PCDH17: variants seen among roughly 807,000 people sequenced by gnomAD.
PCDH17 encodes the protein protocadherin-17.
Under a neutral mutation model 67.7 loss-of-function variants are expected in PCDH17, and 21 were observed. That is an observed-to-expected ratio of 0.31 (90% CI 0.22 to 0.45). The LOEUF is 0.45. PCDH17 is among the 20% of genes least tolerant of loss of function. The probability of loss-of-function intolerance (pLI) is 1.00; values close to 1 mark genes in which losing one functional copy is unlikely to be tolerated. For missense variants in PCDH17, 1,471 were observed against 1,564.8 expected (o/e 0.94, Z 1.01); for synonymous variants, 701 against 656.7 (o/e 1.07, Z -1.03).
chr13:57,718,230 TA>T (rs1363202172), intron 3 of PCDH17, among the ~76,000 whole-genome samples: 2 of 151,904 alleles, frequency 1.3e-5, no homozygotes, highest in African/African-American at 2.4e-5. Context: ...GCATAAAGGA[TA>T]AAATAAGCTT....
intron 1 of PCDH17, among the ~76,000 whole-genome samples, chr13:57,647,953 A>G (rs918653627): frequency 3.3e-5 from 5 of 151,944 alleles, no homozygotes; most frequent in Admixed American, 6.6e-5. Context: ...TCATCATATA[A>G]AGAAAGAAAC....
intron 1 of PCDH17, among the ~76,000 whole-genome samples, chr13:57,637,188 C>A (rs1038922552): frequency 2.0e-5 from 3 of 152,018 alleles, no homozygotes; most frequent in African/African-American, 4.8e-5. Flanking sequence ...TTAATTCATG[C>A]CATAAAGACA....
At chr13:57,680,050 A>G (rs928042415) in intron 3 of PCDH17, among the ~76,000 whole-genome samples, 1 of 151,342 alleles carries the variant, frequency 6.6e-6, no homozygotes, top group African/African-American at 2.4e-5. Flanking sequence ...CATGTATATG[A>G]CATTGTTTGC....
intron 3 of PCDH17, among the ~76,000 whole-genome samples, chr13:57,686,713 T>C (rs1955511058): frequency 1.3e-5 from 2 of 151,994 alleles, no homozygotes; most frequent in African/African-American, 4.8e-5. Context: ...GAAAATAATA[T>C]AAAGTTTAGA....
intron 3 of PCDH17, among the ~76,000 whole-genome samples, chr13:57,694,190 T>C (rs2138066034): frequency 6.6e-6 from 1 of 151,342 alleles, no homozygotes; most frequent in African/African-American, 2.4e-5. Flanking sequence ...GTGTATGGGT[T>C]TATGCTATGT....
chr13:57,640,963 A>G (rs1045270744), intron 1 of PCDH17, among the ~76,000 whole-genome samples: 1 of 151,996 alleles, frequency 6.6e-6, no homozygotes, highest in African/African-American at 2.4e-5. Flanking sequence ...AATAAATCCC[A>G]TAGGGCATTA....
rs777584964 is a variant in PCDH17, at chr13:57,725,274, C to A, written c.3460C>A (p.Pro1154Thr). ...TTTGCAAGACTGCCGGGGAAACGACCCTGTGGCTGTGAGAAAGTGAAAAAA... is the reference window on the plus strand; with the variant it reads ...TTTGCAAGACTGCCGGGGAAACGACACTGTGGCTGTGAGAAAGTGAAAAAA... ...KLLQDCRGNDPVAVRK is the reference protein window; with the variant it reads ...KLLQDCRGNDTVAVRK Residue 1154 changes from proline (P) to threonine (T), a missense_variant, in exon 4 of 4, where the codon CCT (proline) becomes ACT (threonine). By Grantham distance (38) the Pro-to-Thr change is conservative. Around this residue, in one of 3 missense-constraint regions of PCDH17, gnomAD observed 297 missense variants for 298.6 expected, o/e 0.99. Transcript: ENST00000377918. The A allele has an allele frequency of 6.3e-7, 1 of 1,597,072 alleles. No individual in the cohort carries two copies. Among genetic ancestry groups the A allele is most frequent in the South Asian group, 1.1e-5 (1 of 88,270 alleles).
chr13:57,674,892 T>G (rs1035032919), intron 3 of PCDH17, among the ~76,000 whole-genome samples: 10 of 151,946 alleles, frequency 6.6e-5, no homozygotes, highest in African/African-American at 2.4e-4. Flanking sequence ...GAAGAAACCT[T>G]GAAATATAAC....
chr13:57,678,773 C>T (rs1160708179), intron 3 of PCDH17, among the ~76,000 whole-genome samples: 1 of 151,484 alleles, frequency 6.6e-6, no homozygotes, highest in Non-Finnish European at 1.5e-5. Context: ...GAAATAGGGG[C>T]ATGGAATATA....
rs1955552113 is a variant in PCDH17 at position 57,690,871 on chromosome 13, G to T, written c.2797+24038G>T. The stretch of plus-strand genomic sequence containing the variant: ...TTCACTAATTGCATTACTCTAACTA[G>T]CTATATTGTATGCCCTTCATTTGAC... On this transcript the variant is annotated intron_variant, in intron 3 of 3. Coordinates refer to ENST00000377918, the MANE Select transcript of PCDH17 (RefSeq NM_001040429.3). Among the ~76,000 whole-genome samples the T allele has an allele frequency of 1.3e-5, 2 of 151,344 alleles. 1 individual carries two copies. The highest frequency in any genetic ancestry group is 4.2e-4 in the South Asian group (2 of 4,808).
rs1398184130 is a variant in PCDH17, at chr13:57,729,173, A to C, written c.*3879A>C. 6.6e-6 allele frequency: 1 copy of C among 152,146 alleles called. No homozygotes were observed. Among genetic ancestry groups the C allele is most frequent in the Non-Finnish European group, 1.5e-5 (1 of 67,998 alleles). 9.4% of individuals were successfully genotyped at this position (152,146 alleles called of 1,614,324 possible). The stretch of plus-strand genomic sequence containing the variant: ...ATCACTCCATAAAGTTCTTAGCTGC[A>C]CCAAGTGATTGGTGAACAAGGACAA... On this transcript the variant is annotated 3_prime_UTR_variant, in exon 4 of 4. Coordinates refer to ENST00000377918, the MANE Select transcript of PCDH17 (RefSeq NM_001040429.3).
chr13:57,701,021 A>G (rs895655229), intron 3 of PCDH17, among the ~76,000 whole-genome samples: 4 of 152,076 alleles, frequency 2.6e-5, no homozygotes, highest in Admixed American at 2.6e-4. Flanking sequence ...TATAATAATA[A>G]CAGCAACAAT....
At chr13:57,701,176 T>G (rs1955659619) in intron 3 of PCDH17, among the ~76,000 whole-genome samples, 1 of 152,188 alleles carries the variant, frequency 6.6e-6, no homozygotes, top group Admixed American at 6.5e-5. Flanking sequence ...AAAATGAAGT[T>G]TAGTTTACCA....
rs148104664 is a variant in PCDH17 at position 57,679,279 on chromosome 13, G to A, written c.2797+12446G>A. On this transcript the variant is annotated intron_variant, in intron 3 of 3. Coordinates refer to ENST00000377918, the MANE Select transcript of PCDH17 (RefSeq NM_001040429.3). ...CAGTTGTATAATGAAAAAAATTATC[G>A]ACTACGAAGACACATTATTTAATCC... Among the ~76,000 whole-genome samples the A allele has an allele frequency of 3.0e-3, 448 of 150,178 alleles. 2 individuals carry two copies. Among genetic ancestry groups the A allele is most frequent in the African/African-American group, 0.01 (415 of 41,042 alleles).
intron 1 of PCDH17, among the ~76,000 whole-genome samples, chr13:57,654,070 C>T (rs1403317309): frequency 6.6e-6 from 1 of 152,070 alleles, no homozygotes; most frequent in East Asian, 1.9e-4. Context: ...ATAGTGCATA[C>T]ATAAAAATTC....
chr13:57,678,265 A>C (rs977215252), intron 3 of PCDH17, among the ~76,000 whole-genome samples: 2 of 151,564 alleles, frequency 1.3e-5, no homozygotes, highest in African/African-American at 4.8e-5. Context: ...TCCTGTTTCA[A>C]GAAAACGTAG....
At position 57,728,570 on chromosome 13, in the gene PCDH17, A is replaced by G. The variant is rs1249166964; in HGVS notation, c.*3276A>G. The G allele has an allele frequency of 6.6e-6, 1 of 151,736 alleles. No individual in the cohort carries two copies. Among genetic ancestry groups the G allele is most frequent in the East Asian group, 1.9e-4 (1 of 5,186 alleles). 9.4% of individuals were successfully genotyped at this position (151,736 alleles called of 1,614,324 possible). ...CAAAATAACCTTTTCATCAGAGTTA[A>G]AAGTAGTGAGAATCTGTTAGTTATA... On this transcript the variant is annotated 3_prime_UTR_variant, in exon 4 of 4. Coordinates refer to ENST00000377918, the MANE Select transcript of PCDH17 (RefSeq NM_001040429.3).
At chr13:57,706,146 A>C (rs1338676376) in intron 3 of PCDH17, among the ~76,000 whole-genome samples, 1 of 152,156 alleles carries the variant, frequency 6.6e-6, no homozygotes, top group African/African-American at 2.4e-5. Flanking sequence ...ATAGTGATTA[A>C]TTTGTAGACA....
intron 3 of PCDH17, among the ~76,000 whole-genome samples, chr13:57,696,246 C>G (rs1366154641): frequency 6.6e-6 from 1 of 151,416 alleles, no homozygotes; most frequent in African/African-American, 2.4e-5. Context: ...TACTGGCTAA[C>G]TAAGGTACTG....
Sources: allele counts gnomAD v4.1 joint callset (sites outside exome capture counted in the v4.1 genomes callset), GRCh38; gene constraint gnomAD v4.1.1; regional missense constraint gnomAD v4.1.1; transcripts MANE v1.5; gene names NCBI Gene and HGNC (gene_info 2026-07-23, HGNC 2026-07-21).